Variants in MSH3 observed in about 807,000 individuals in gnomAD.
MSH3 encodes the protein DNA mismatch repair protein Msh3.
A neutral mutation model predicts 123.3 loss-of-function variants in MSH3; 106 were observed. The observed-to-expected ratio is 0.86, with a 90% confidence interval of 0.73 to 1.01. The LOEUF (loss-of-function observed/expected upper bound fraction) is 1.01, where lower values mean the gene tolerates loss of function less well. Ranked by LOEUF, MSH3 falls within the 50% of genes least tolerant of loss-of-function variation. The pLI, the probability that MSH3 is intolerant of heterozygous loss-of-function variation, is 0.00. For missense variants in MSH3, 1,459 were observed against 1,347.6 expected, an observed-to-expected ratio of 1.08 and a Z score of -1.29; for synonymous variants, 515 against 481.4, an observed-to-expected ratio of 1.07 and a Z score of -0.91.
chr5:80,706,633 A>G (rs1025413051), intron 8 of MSH3, among the ~76,000 whole-genome samples: 9 of 152,218 alleles, frequency 5.9e-5, no homozygotes, highest in Non-Finnish European at 1.3e-4. Flanking sequence ...GACTATTATC[A>G]TCTCGAAGCA....
At chr5:80,763,622 G>T (rs978316221) in intron 13 of MSH3, among the ~76,000 whole-genome samples, 32 of 152,340 alleles carry the variant, frequency 2.1e-4, no homozygotes, top group Middle Eastern at 3.4e-3. Flanking sequence ...TTCACTGACA[G>T]ATGTCAGAGA....
intron 19 of MSH3, among the ~76,000 whole-genome samples, chr5:80,801,697 C>T (rs924312750): frequency 6.6e-6 from 1 of 152,200 alleles, no homozygotes; most frequent in African/African-American, 2.4e-5. Flanking sequence ...GCAAATCTGG[C>T]ACAGAGCTCT....
intron 22 of MSH3, among the ~76,000 whole-genome samples, chr5:80,872,287 T>G (rs1746226880): frequency 6.6e-6 from 1 of 151,790 alleles, no homozygotes; most frequent in Non-Finnish European, 1.5e-5. Flanking sequence ...CTGGGCAACA[T>G]GGCCAAAACC....
At chr5:80,839,837 C>T (rs1471733707) in intron 20 of MSH3, among the ~76,000 whole-genome samples, 1 of 152,112 alleles carries the variant, frequency 6.6e-6, no homozygotes. Flanking sequence ...AATCAGAGGG[C>T]ACAAAACTGA....
At chr5:80,865,770 A>G (rs141385431) in intron 22 of MSH3, among the ~76,000 whole-genome samples, 1 of 152,326 alleles carries the variant, frequency 6.6e-6, no homozygotes, top group East Asian at 1.9e-4. Context: ...AAGATACCCC[A>G]GAGTCCAGAT....
chr5:80,835,537 T>G (rs1277417933), intron 20 of MSH3, among the ~76,000 whole-genome samples: 1 of 152,180 alleles, frequency 6.6e-6, no homozygotes, highest in Non-Finnish European at 1.5e-5. Context: ...TTTACCAATA[T>G]AGGAAAGGCA....
intron 15 of MSH3, among the ~76,000 whole-genome samples, chr5:80,775,417 A>G (rs1261333649): frequency 6.6e-6 from 1 of 152,196 alleles, no homozygotes; most frequent in African/African-American, 2.4e-5. Flanking sequence ...GTGGTTAATG[A>G]AAAAGCCATC....
intron 20 of MSH3, among the ~76,000 whole-genome samples, chr5:80,845,053 C>T (rs1398976525): frequency 6.6e-6 from 1 of 152,082 alleles, no homozygotes; most frequent in African/African-American, 2.4e-5. Context: ...TGTTCCTTTC[C>T]ATGTTTAGTG....
intron 20 of MSH3, among the ~76,000 whole-genome samples, chr5:80,850,789 C>G (rs887536036): frequency 6.6e-6 from 1 of 152,162 alleles, no homozygotes; most frequent in Non-Finnish European, 1.5e-5. Flanking sequence ...CTCTATGGTA[C>G]TTGTTCTGTT....
At chr5:80,746,852 G>C (rs1227784760) in intron 12 of MSH3, 1 of 238,242 alleles carries the variant, frequency 4.2e-6, no homozygotes, top group Admixed American at 5.4e-5. Flanking sequence ...CTGGCCAGAG[G>C]CTCATGAGAG....
chr5:80,769,002 A>C lies in MSH3; in HGVS notation c.2252A>C (p.Glu751Ala). ...SAQYVTVSGQEFMIEIKNSAV... is the reference protein window; with the variant it reads ...SAQYVTVSGQAFMIEIKNSAV... The stretch of plus-strand genomic sequence containing the variant: ...CAATATGTGACAGTATCAGGACAGG[A>C]GGTAATGTCAAGCTTACTTTTATTT... The change falls in exon 15 of 24, where the codon GAG becomes GCG. Residue 751 changes from glutamate (E) to alanine (A), a missense_variant and splice_region_variant. Coordinates refer to ENST00000265081, the MANE Select transcript of MSH3 (RefSeq NM_002439.5). 6.2e-7 allele frequency: 1 copy of C among 1,611,810 alleles called. No homozygotes were observed. The highest frequency in any genetic ancestry group is 1.3e-5 in the African/African-American group (1 of 75,010).
At chr5:80,824,327 C>A (rs1745253565) in intron 20 of MSH3, among the ~76,000 whole-genome samples, 1 of 151,844 alleles carries the variant, frequency 6.6e-6, no homozygotes, top group Non-Finnish European at 1.5e-5. Flanking sequence ...GAGGCGCCCC[C>A]CACCTCCCTC....
intron 19 of MSH3, among the ~76,000 whole-genome samples, chr5:80,806,844 T>C (rs1248164161): frequency 3.3e-5 from 5 of 152,284 alleles, no homozygotes; most frequent in African/African-American, 1.2e-4. Context: ...TGTGAACATA[T>C]GAATATGTCC....
intron 19 of MSH3, among the ~76,000 whole-genome samples, chr5:80,808,610 C>T (rs10059988): frequency 6.6e-6 from 1 of 151,738 alleles, no homozygotes; most frequent in Non-Finnish European, 1.5e-5. Flanking sequence ...GATATTTTTT[C>T]TATATATACA....
At position 80,686,938 on chromosome 5, in the gene MSH3, T is replaced by C. The variant is rs552292957; in HGVS notation, c.1340+7845T>C. 1.4e-4 allele frequency among the ~76,000 whole-genome samples: 21 copies of C among 152,336 alleles called. No homozygotes were observed. The South Asian group carries it at 2.3e-3, about 17-fold the overall frequency. On this transcript the variant is annotated intron_variant, in intron 8 of 23. Coordinates refer to ENST00000265081, the MANE Select transcript of MSH3 (RefSeq NM_002439.5). ...GTCTATCTTAAAATATTAGGGTTTT[T>C]GGTATTCTTAACTTTAACCACAAGA...
At chr5:80,766,215 T>C (rs1744118391) in intron 13 of MSH3, among the ~76,000 whole-genome samples, 1 of 152,106 alleles carries the variant, frequency 6.6e-6, no homozygotes, top group African/African-American at 2.4e-5. Flanking sequence ...GTGTCTCCGT[T>C]TTCCTTAAGG....
intron 2 of MSH3, among the ~76,000 whole-genome samples, chr5:80,664,738 T>C (rs1397444409): frequency 6.6e-6 from 1 of 152,184 alleles, no homozygotes; most frequent in Non-Finnish European, 1.5e-5. Context: ...TAGAGTTGGC[T>C]CTTGGTTTTC....
At position 80,654,889 on chromosome 5, in the gene MSH3, T is replaced by TGCAGCGACC; in HGVS notation, c.168_169insACCGCAGCG (p.Ala56_Ala57insThrAlaAla). 1.2e-6 allele frequency: 1 copy of TGCAGCGACC among 825,136 alleles called. No individual in the cohort carries two copies. Among genetic ancestry groups the TGCAGCGACC allele is most frequent in the Admixed American group, 2.9e-5 (1 of 34,990 alleles). 51.1% of individuals were successfully genotyped at this position (825,136 alleles called of 1,614,324 possible). On this transcript the variant is annotated inframe_insertion, in exon 1 of 24. Transcript: ENST00000265081. ...AGGTGGACCCTGGCGCTGCAGCGGC[T>TGCAGCGACC]GCAGCGGCCGCAGCGGCCGCAGCGC... is the stretch of plus-strand genomic sequence containing the variant.
intron 10 of MSH3, among the ~76,000 whole-genome samples, chr5:80,731,633 A>T (rs1743415166): frequency 6.6e-6 from 1 of 152,164 alleles, no homozygotes; most frequent in South Asian, 2.1e-4. Context: ...CAAGATTAAT[A>T]AAGATAGTGA....
Sources: gnomAD v4.1 joint callset for allele counts (sites outside exome capture counted in the v4.1 genomes callset) on GRCh38, gnomAD v4.1.1 for gene constraint, MANE v1.5 for transcripts, NCBI Gene and HGNC (gene_info 2026-07-23, HGNC 2026-07-21) for gene names.